The following LRRN2 variants were observed in gnomAD, a reference collection of about 807,000 sequenced individuals.
LRRN2 encodes the protein leucine rich repeat neuronal 2, also known as leucine-rich repeat neuronal protein 2.
Under a neutral mutation model 35.7 loss-of-function variants are expected in LRRN2, and 10 were observed. That is an observed-to-expected ratio of 0.28 (90% CI 0.17 to 0.47). The LOEUF is 0.47. LRRN2 is among the 20% of genes least tolerant of loss of function. The pLI is 0.99. For synonymous variants in LRRN2, 391 were observed against 409.6 expected (o/e 0.95, Z 0.55); for missense variants, 731 against 940.3 (o/e 0.78, Z 2.91).
chr1:204,624,007 T>A (rs1335768633), intron 1 of LRRN2, among the ~76,000 whole-genome samples: 2 of 152,206 alleles, frequency 1.3e-5, no homozygotes, highest in Non-Finnish European at 2.9e-5. Flanking sequence ...TTCTATGCAG[T>A]GGGGTCAGGA....
At position 204,617,809 on chromosome 1, in the gene LRRN2, G is replaced by A; in HGVS notation, c.*42C>T. 1 of 1,605,174 alleles carries A rather than the reference G, an allele frequency of 6.2e-7. No homozygotes were observed. The highest frequency in any genetic ancestry group is 2.2e-5 in the East Asian group (1 of 44,842). On this transcript the variant is annotated 3_prime_UTR_variant, in exon 2 of 2. Coordinates refer to ENST00000367177, the MANE Select transcript of LRRN2 (RefSeq NM_201630.2). ...CAGACTGCTTCTCTTTTGGTAAAAA[G>A]TAGTCCTAGTGATTTCTCTACTGCT...
At chr1:204,652,260 G>GCCCCCCCCC (rs57390819) in intron 1 of LRRN2, among the ~76,000 whole-genome samples, 8 of 60,498 alleles carry the variant, frequency 1.3e-4, no homozygotes, top group African/African-American at 7.7e-4. Context: ...CCTCTTCACC[G>GCCCCCCCCC]CCCCCCCCCC....
intron 1 of LRRN2, among the ~76,000 whole-genome samples, chr1:204,679,004 C>T (rs192810332): frequency 1.6e-3 from 241 of 152,278 alleles, no homozygotes; most frequent in African/African-American, 5.3e-3. Context: ...ACTTGCTGAA[C>T]GAAGAGACTC....
intron 1 of LRRN2, chr1:204,682,974 T>A (rs571003228): frequency 6.6e-6 from 1 of 152,380 alleles, no homozygotes; most frequent in South Asian, 2.1e-4. Flanking sequence ...CATGGAGGTT[T>A]GTTTACCGCT....
chr1:204,620,169 C>T lies in LRRN2; in HGVS notation c.-177G>A. On this transcript the variant is annotated 5_prime_UTR_variant, in exon 2 of 2. Transcript: ENST00000367177. Reference sequence around the variant, plus strand: ...CTCAATATGCCTTCTCTTCCTTGTCCTCTGGGGCTGGGCCTGCTCAGTCAT... The same window carrying T: ...CTCAATATGCCTTCTCTTCCTTGTCTTCTGGGGCTGGGCCTGCTCAGTCAT... 6.9e-7 allele frequency: 1 copy of T among 1,450,274 alleles called. No homozygotes were observed. The highest frequency in any genetic ancestry group is 2.5e-5 in the East Asian group (1 of 39,918). The allele number at this position is 1,450,274 out of a possible 1,614,324, so 89.8% of individuals were successfully genotyped here.
intron 1 of LRRN2, chr1:204,628,929 G>C (rs1667590236): frequency 6.6e-6 from 1 of 152,290 alleles, no homozygotes; most frequent in African/African-American, 2.4e-5. Context: ...AAATGTCCCA[G>C]CTGATGGCCT....
chr1:204,654,096 A>AAGC, intron 1 of LRRN2, among the ~76,000 whole-genome samples: 1 of 151,646 alleles, frequency 6.6e-6, no homozygotes, highest in Non-Finnish European at 1.5e-5. Context: ...CAAACAGCTG[A>AAGC]AGCTGGGATT....
intron 1 of LRRN2, among the ~76,000 whole-genome samples, chr1:204,663,371 C>G (rs1470128330): frequency 2.6e-5 from 4 of 152,186 alleles, no homozygotes; most frequent in Non-Finnish European, 5.9e-5. Context: ...TAACACACAA[C>G]ATGTGAGGAG....
intron 1 of LRRN2, among the ~76,000 whole-genome samples, chr1:204,671,642 T>TAAAAA (rs35192809): frequency 3.3e-5 from 1 of 30,250 alleles, no homozygotes; most frequent in Admixed American, 6.6e-4. Context: ...TAATTGATGG[T>TAAAAA]AAAAAAAAAA....
At chr1:204,657,341 T>TACACACACACACACACACACAC (rs34779515) in intron 1 of LRRN2, among the ~76,000 whole-genome samples, 89 of 147,054 alleles carry the variant, frequency 6.1e-4, no homozygotes, top group African/African-American at 2.0e-3. Context: ...TATGTATATA[T>TACACACACACACACACACACAC]ACACACACAC....
At chr1:204,639,859 A>G (rs1247380182) in intron 1 of LRRN2, among the ~76,000 whole-genome samples, 2 of 152,204 alleles carry the variant, frequency 1.3e-5, no homozygotes, top group Non-Finnish European at 2.9e-5. Context: ...GCCCAAGATC[A>G]TACAGCTGGT....
intron 1 of LRRN2, among the ~76,000 whole-genome samples, chr1:204,623,197 G>A (rs1421636872): frequency 6.6e-6 from 1 of 152,168 alleles, no homozygotes; most frequent in Non-Finnish European, 1.5e-5. Context: ...CTGGGCCCCA[G>A]CATCTCCCTG....
rs995188006 is a variant in LRRN2 at position 204,618,633 on chromosome 1, C to T, written c.1360G>A (p.Glu454Lys). Residue 454 changes from glutamate (E) to lysine (K), a missense_variant, in exon 2 of 2, where the codon GAG (glutamate) becomes AAG (lysine). Physicochemically the swap from Glu to Lys is moderately conservative, Grantham distance 56 (BLOSUM62 1). This residue lies in a region of LRRN2 where 256 missense variants were observed against 392.4 expected (regional missense o/e 0.65). Transcript: ENST00000367177. ...CCAGCTGGAGTGACCCAGTAGATCT[C>T]GGGTTCGGGTTCGGCCAGTGCCCGG... is the stretch of plus-strand genomic sequence containing the variant. ...HCRALAEPEP[E>K]IYWVTPAGLR... is the part of the protein sequence containing the mutation. The T allele has an allele frequency of 1.6e-5, 25 of 1,611,148 alleles. No homozygotes were observed. The highest frequency in any genetic ancestry group is 8.4e-5 in the Admixed American group (5 of 59,876).
Position 204,619,529 on chromosome 1 carries a change from C to T in LRRN2, c.464G>A (p.Arg155His), listed in dbSNP as rs371973030. Residue 155 changes from arginine (R) to histidine (H), a missense_variant, in exon 2 of 2, where the codon CGC becomes CAC. Transcript: ENST00000367177. The stretch of plus-strand genomic sequence containing the variant: ...GCCAGAAAAGGCCCTGGGGGCGATG[C>T]GGTAGAGCTGGTTGTGGTTGAGATA... ...ELYLNHNQLYRIAPRAFSGLS... is the reference protein window; with the variant it reads ...ELYLNHNQLYHIAPRAFSGLS... 5.6e-6 allele frequency: 9 copies of T among 1,614,196 alleles called. No individual in the cohort carries two copies. The highest frequency in any genetic ancestry group is 2.2e-5 in the South Asian group (2 of 91,078).
Position 204,618,706 on chromosome 1 carries a change from G to T in LRRN2, c.1287C>A (p.Phe429Leu), listed in dbSNP as rs370117075. Reference sequence around the variant, plus strand: ...CACTGGCTACCTGGAGGCTTGGGGGGAAGCTTCGTGGGGAGATGAGGGGCA... The same window carrying T: ...CACTGGCTACCTGGAGGCTTGGGGGTAAGCTTCGTGGGGAGATGAGGGGCA... ...HCLPLISPRS[F>L]PPSLQVASGE... Residue 429 changes from phenylalanine to leucine, a missense_variant, in exon 2 of 2, where the codon TTC becomes TTA. Transcript: ENST00000367177. 1.3e-6 allele frequency: 2 copies of T among 1,599,842 alleles called. No homozygotes were observed. Among genetic ancestry groups the T allele is most frequent in the Non-Finnish European group, 1.7e-6 (2 of 1,171,662 alleles).
intron 1 of LRRN2, among the ~76,000 whole-genome samples, chr1:204,667,479 G>C (rs144462641): frequency 6.6e-6 from 1 of 152,260 alleles, no homozygotes; most frequent in African/African-American, 2.4e-5. Context: ...ATAGCATCTA[G>C]TACATAGTAA....
chr1:204,665,158 A>C (rs1486446513), intron 1 of LRRN2, among the ~76,000 whole-genome samples: 4 of 152,060 alleles, frequency 2.6e-5, no homozygotes, highest in Non-Finnish European at 5.9e-5. Flanking sequence ...CCTAACTTGG[A>C]TCACAGATGG....
rs746586699 is a variant in LRRN2, at chr1:204,619,972, T to C, written c.21A>G (p.Pro7=). ...CACCAGCCACCCAAGCTAGCAAGAG[T>C]GGGGCCACGAGAAGCCTCATGGTGG... MRLLVA[P]LLLAWVAGAT... Residue 7 remains proline (P), a synonymous_variant, in exon 2 of 2, where the codon CCA becomes CCG. Coordinates refer to ENST00000367177, the MANE Select transcript of LRRN2 (RefSeq NM_201630.2). The C allele has an allele frequency of 3.1e-6, 5 of 1,611,022 alleles. No homozygotes were observed. Among genetic ancestry groups the C allele is most frequent in the Non-Finnish European group, 4.2e-6 (5 of 1,179,174 alleles).
chr1:204,623,830 T>C (rs1040187363), intron 1 of LRRN2, among the ~76,000 whole-genome samples: 3 of 152,226 alleles, frequency 2.0e-5, no homozygotes, highest in African/African-American at 7.2e-5. Context: ...ATTGAGCATG[T>C]AGCAGGTGCT....
Sources: gnomAD v4.1 joint callset for allele counts (sites outside exome capture counted in the v4.1 genomes callset) on GRCh38, gnomAD v4.1.1 for gene constraint, gnomAD v4.1.1 regional missense constraint, MANE v1.5 for transcripts, NCBI Gene and HGNC (gene_info 2026-07-23, HGNC 2026-07-21) for gene names.